Variants in PDE7A observed in about 807,000 individuals in gnomAD.
PDE7A encodes the protein high affinity 3',5'-cyclic-AMP phosphodiesterase 7A.
PDE7A carries 39 observed loss-of-function variants against 64.3 expected under a neutral mutation model. The ratio of observed to expected loss-of-function variants is 0.61; its 90% CI spans 0.47 to 0.79. The LOEUF is 0.79. Ranked by LOEUF, PDE7A falls within the 30% of genes least tolerant of loss-of-function variation. The pLI is 0.00. For missense variants in PDE7A, 470 were observed against 582.8 expected, an observed-to-expected ratio of 0.81 and a Z score of 1.99; for synonymous variants, 203 against 206.8, an observed-to-expected ratio of 0.98 and a Z score of 0.16.
chr8:65,839,746 G>A (rs889953809), intron 1 of PDE7A, among the ~76,000 whole-genome samples: 1 of 152,118 alleles, frequency 6.6e-6, no homozygotes, highest in Non-Finnish European at 1.5e-5. Context: ...CTGGAAAAAT[G>A]AATCAAGAAG....
chr8:65,791,225 T>C (rs1254050348), intron 1 of PDE7A, among the ~76,000 whole-genome samples: 1 of 152,234 alleles, frequency 6.6e-6, no homozygotes, highest in African/African-American at 2.4e-5. Context: ...TCTAGATTAT[T>C]TCTACCATCT....
intron 12 of PDE7A, among the ~76,000 whole-genome samples, chr8:65,721,550 A>G (rs1806376988): frequency 6.6e-6 from 1 of 152,164 alleles, no homozygotes; most frequent in Non-Finnish European, 1.5e-5. Context: ...TCACCATCAG[A>G]TCAGTGACCT....
intron 1 of PDE7A, among the ~76,000 whole-genome samples, chr8:65,805,411 G>C (rs529338316): frequency 6.6e-6 from 1 of 152,312 alleles, no homozygotes; most frequent in Non-Finnish European, 1.5e-5. Flanking sequence ...TAATTGAGCA[G>C]CAGAGATTAC....
intron 3 of PDE7A, among the ~76,000 whole-genome samples, chr8:65,749,469 G>A (rs1807833851): frequency 1.3e-5 from 2 of 152,044 alleles, no homozygotes; most frequent in Admixed American, 1.3e-4. Context: ...TTAAATTTCT[G>A]ATCTTTACCA....
intron 9 of PDE7A, 87 bp downstream of exon 9, chr8:65,726,788 T>C (rs1806630602): frequency 4.2e-6 from 3 of 719,494 alleles, no homozygotes; most frequent in East Asian, 2.5e-5. Flanking sequence ...CACCTGAACA[T>C]AACAATTTTT....
At chr8:65,819,102 A>G (rs74890354) in intron 1 of PDE7A, among the ~76,000 whole-genome samples, 8,694 of 152,300 alleles carry the variant, frequency 0.057, 358 homozygotes, top group Middle Eastern at 0.11. Flanking sequence ...GCTGCTTTAC[A>G]AAAGTAATGT....
intron 1 of PDE7A, among the ~76,000 whole-genome samples, chr8:65,824,232 T>C (rs930616063): frequency 2.0e-5 from 3 of 152,222 alleles, no homozygotes; most frequent in Non-Finnish European, 2.9e-5. Context: ...TGATCTGTGA[T>C]AGTGATCTTT....
intron 1 of PDE7A, among the ~76,000 whole-genome samples, chr8:65,828,275 TATA>T (rs965286615): frequency 4.6e-5 from 7 of 152,116 alleles, no homozygotes; most frequent in African/African-American, 9.7e-5. Context: ...CACATTGATA[TATA>T]ATATCTTCCA....
At chr8:65,773,153 C>T (rs1809160842) in intron 3 of PDE7A, among the ~76,000 whole-genome samples, 1 of 152,162 alleles carries the variant, frequency 6.6e-6, no homozygotes, top group East Asian at 1.9e-4. Flanking sequence ...GGAGCACGTG[C>T]TCATTTCTCT....
chr8:65,741,978 T>C (rs1440917478), intron 5 of PDE7A, among the ~76,000 whole-genome samples: 1 of 152,158 alleles, frequency 6.6e-6, no homozygotes, highest in Non-Finnish European at 1.5e-5. Flanking sequence ...TCTTAAAGTG[T>C]ACTACCCATA....
At chr8:65,766,958 A>G (rs1456929753) in intron 3 of PDE7A, among the ~76,000 whole-genome samples, 1 of 152,058 alleles carries the variant, frequency 6.6e-6, no homozygotes, top group African/African-American at 2.4e-5. Flanking sequence ...TAATGCCAAC[A>G]TTTTCAGTTT....
At chr8:65,732,702 G>A (rs1395819534) in intron 7 of PDE7A, among the ~76,000 whole-genome samples, 1 of 152,128 alleles carries the variant, frequency 6.6e-6, no homozygotes, top group East Asian at 1.9e-4. Flanking sequence ...TTGTAGAGAT[G>A]GGATCTTGCT....
intron 12 of PDE7A, chr8:65,719,805 C>G (rs942599294): frequency 2.9e-6 from 1 of 341,608 alleles, no homozygotes; most frequent in African/African-American, 2.1e-5. Flanking sequence ...CACTGCCCAT[C>G]TAAACTCTGA....
At chr8:65,773,995 C>T (rs968184103) in intron 3 of PDE7A, among the ~76,000 whole-genome samples, 6 of 152,136 alleles carry the variant, frequency 3.9e-5, no homozygotes, top group Middle Eastern at 3.2e-3. Flanking sequence ...CACAGCCAAT[C>T]CTTATTTATT....
At chr8:65,746,491 A>G (rs1807683586) in intron 4 of PDE7A, among the ~76,000 whole-genome samples, 1 of 152,178 alleles carries the variant, frequency 6.6e-6, no homozygotes, top group Non-Finnish European at 1.5e-5. Flanking sequence ...ATTAACTTTT[A>G]GGATAATGTG....
chr8:65,742,020 C>G (rs1248597484), intron 5 of PDE7A, among the ~76,000 whole-genome samples: 1 of 152,246 alleles, frequency 6.6e-6, no homozygotes, highest in African/African-American at 2.4e-5. Flanking sequence ...AAGATACCAA[C>G]TGAGGATTAT....
At chr8:65,804,584 C>CTGGAG (rs1810071111) in intron 1 of PDE7A, among the ~76,000 whole-genome samples, 1 of 144,756 alleles carries the variant, frequency 6.9e-6, no homozygotes, top group South Asian at 2.2e-4. Flanking sequence ...CATTGCCCAG[C>CTGGAG]TGGAGTGCAG....
intron 1 of PDE7A, among the ~76,000 whole-genome samples, chr8:65,799,959 A>G (rs1809950526): frequency 6.6e-6 from 1 of 152,228 alleles, no homozygotes; most frequent in Non-Finnish European, 1.5e-5. Context: ...GGGACTCACA[A>G]AGGAAAATCC....
intron 1 of PDE7A, among the ~76,000 whole-genome samples, chr8:65,826,740 A>C (rs1810685426): frequency 6.6e-6 from 1 of 152,196 alleles, no homozygotes; most frequent in South Asian, 2.1e-4. Context: ...CAGTACCACA[A>C]ATCGGGTGGC....
Sources: gnomAD v4.1 joint callset for allele counts (sites outside exome capture counted in the v4.1 genomes callset) on GRCh38, gnomAD v4.1.1 for gene constraint, MANE v1.5 for transcripts, NCBI Gene and HGNC (gene_info 2026-07-23, HGNC 2026-07-21) for gene names.